SLC25A16: variants seen among roughly 807,000 people sequenced by gnomAD.
The protein encoded by SLC25A16 is mitochondrial coenzyme A transporter SLC25A16.
Under a neutral mutation model 41.5 loss-of-function variants are expected in SLC25A16, and 39 were observed. That is an observed-to-expected ratio of 0.94 (90% CI 0.73 to 1.23). SLC25A16 has a LOEUF of 1.23. Among genes scored for constraint, SLC25A16 ranks in the 50% most tolerant of loss-of-function variants. The pLI, the probability that SLC25A16 is intolerant of heterozygous loss-of-function variation, is 0.00. For synonymous variants in SLC25A16, 146 were observed against 147.8 expected (o/e 0.99, Z 0.09); for missense variants, 421 against 426.9 (o/e 0.99, Z 0.12).
intron 1 of SLC25A16, among the ~76,000 whole-genome samples, chr10:68,526,678 C>G (rs903894442): frequency 5.9e-5 from 9 of 152,130 alleles, no homozygotes; most frequent in African/African-American, 1.7e-4. Context: ...GCTTGAAGGC[C>G]CAGGAAATTC....
chr10:68,495,045 G>A (rs997081012), intron 4 of SLC25A16, among the ~76,000 whole-genome samples: 30 of 151,908 alleles, frequency 2.0e-4, no homozygotes, highest in Non-Finnish European at 3.4e-4. Context: ...ACTTTGGGAG[G>A]CTGAGGTGAA....
In SLC25A16 at chr10:68,488,467, G is replaced by A. The variant is rs748068850; in HGVS notation, c.773C>T (p.Ser258Phe). 8.7e-6 allele frequency: 13 copies of A among 1,495,230 alleles called. No homozygotes were observed. Among genetic ancestry groups the A allele is most frequent in the East Asian group, 2.5e-5 (1 of 40,526 alleles). The allele number at this position is 1,495,230 out of a possible 1,614,324, so 92.6% of individuals were successfully genotyped here. Residue 258 changes from serine (S) to phenylalanine (F), a missense_variant and splice_region_variant, in exon 7 of 9, where the codon TCC becomes TTC. Physicochemically the swap from Ser to Phe is radical, Grantham distance 155 (BLOSUM62 -2). Coordinates refer to ENST00000609923, the MANE Select transcript of SLC25A16 (RefSeq NM_152707.4). ...GVAGAIAQTI[S>F]YPFDVTRRRM... ...AAATTAAGTTAGTGAAGAAACTTAC[G>A]ATATTGTCTGCGCTATTGCTCCAGC...
chr10:68,513,393 A>G (rs1445172122), intron 2 of SLC25A16, among the ~76,000 whole-genome samples: 9 of 148,892 alleles, frequency 6.0e-5, no homozygotes, highest in Middle Eastern at 3.4e-3. Flanking sequence ...TGGGCAATAG[A>G]GCAAGACCAT....
At chr10:68,499,819 T>C (rs2052810793) in intron 4 of SLC25A16, 1 of 472,504 alleles carries the variant, frequency 2.1e-6, no homozygotes, top group South Asian at 1.9e-5. Context: ...CAACTATCCA[T>C]GTAGACATTC....
intron 5 of SLC25A16, 119 bp from the exon 6 acceptor site, chr10:68,493,317 G>C: frequency 9.0e-7 from 1 of 1,109,596 alleles, no homozygotes; most frequent in South Asian, 1.4e-5. Context: ...GAAACACAAA[G>C]ATGTGTTTTC....
chr10:68,518,687 T>C lies in SLC25A16; in HGVS notation c.131-1844A>G, dbSNP rs865967623. ...TGCTTGGGAGGCTGAGGCAGAAGAA[T>C]TGCATGAACCCAGGAGGCAGAGGTA... On this transcript the variant is annotated intron_variant, in intron 1 of 8. Transcript: ENST00000609923. 4.0e-5 allele frequency among the ~76,000 whole-genome samples: 6 copies of C among 151,036 alleles called. No individual in the cohort carries two copies. In the South Asian group the frequency reaches 8.4e-4, roughly 21 times the overall value.
In SLC25A16 at chr10:68,503,628, T is replaced by C; in HGVS notation, c.421+4A>G. The C allele has an allele frequency of 6.4e-7, 1 of 1,572,630 alleles. No individual in the cohort carries two copies. Among genetic ancestry groups the C allele is most frequent in the Non-Finnish European group, 8.7e-7 (1 of 1,148,388 alleles). Reference sequence around the variant, plus strand: ...AGAAATAAAATATACCTAACTCCTCTTACCTGCCATGGATCCAGCCATTAA... The same window carrying C: ...AGAAATAAAATATACCTAACTCCTCCTACCTGCCATGGATCCAGCCATTAA... On this transcript the variant is annotated splice_donor_region_variant and intron_variant, in intron 4 of 8. Coordinates refer to ENST00000609923, the MANE Select transcript of SLC25A16 (RefSeq NM_152707.4).
At position 68,509,735 on chromosome 10, in the gene SLC25A16, A is replaced by ATCTATATCTATCTATATC. The variant is rs201061957; in HGVS notation, c.224-3018_224-3017insGATATAGATAGATATAGA. ...AAAATCTATATATCTATCTATCTAT[A>ATCTATATCTATCTATATC]TATATATCTATATATATAGATATAT... On this transcript the variant is annotated intron_variant, in intron 2 of 8. Transcript: ENST00000609923. Among the ~76,000 whole-genome samples, 22 of 143,178 alleles carry ATCTATATCTATCTATATC rather than the reference A, an allele frequency of 1.5e-4. 3 individuals are homozygous for ATCTATATCTATCTATATC. The highest frequency in any genetic ancestry group is 5.4e-4 in the African/African-American group (20 of 36,988). 93.9% of individuals were successfully genotyped at this position (143,178 alleles called of 152,430 possible).
chr10:68,512,096 G>C (rs550071799), intron 2 of SLC25A16, among the ~76,000 whole-genome samples: 6 of 151,968 alleles, frequency 3.9e-5, no homozygotes, highest in Non-Finnish European at 7.4e-5. Flanking sequence ...TTGATTCTTT[G>C]TATACATGAG....
intron 7 of SLC25A16, among the ~76,000 whole-genome samples, chr10:68,488,140 G>A (rs769265717): frequency 2.6e-5 from 4 of 152,060 alleles, no homozygotes; most frequent in East Asian, 1.9e-4. Flanking sequence ...GTGAGTCACC[G>A]CGCCCACCCT....
chr10:68,500,474 A>C (rs1426495473), intron 4 of SLC25A16, among the ~76,000 whole-genome samples: 6 of 151,856 alleles, frequency 4.0e-5, no homozygotes, highest in Non-Finnish European at 5.9e-5. Context: ...TGCCTGGCTA[A>C]TTTTTGTATT....
chr10:68,525,912 A>T (rs992929341), intron 1 of SLC25A16, among the ~76,000 whole-genome samples: 2 of 152,018 alleles, frequency 1.3e-5, no homozygotes, highest in African/African-American at 4.8e-5. Flanking sequence ...CATGCTCCTT[A>T]AGAGTCATCA....
intron 8 of SLC25A16, 131 bp from the exon 9 acceptor site, chr10:68,483,719 G>T: frequency 1.5e-6 from 1 of 670,130 alleles, no homozygotes; most frequent in Non-Finnish European, 2.3e-6. Context: ...GTGGATTGCA[G>T]TGGCATGATC....
chr10:68,490,735 A>G (rs1212538953), intron 6 of SLC25A16, among the ~76,000 whole-genome samples: 1 of 152,134 alleles, frequency 6.6e-6, no homozygotes, highest in Non-Finnish European at 1.5e-5. Flanking sequence ...TTCCAGACAG[A>G]TTAGTGGCAT....
intron 2 of SLC25A16, among the ~76,000 whole-genome samples, chr10:68,507,841 T>G (rs1429869145): frequency 6.6e-6 from 1 of 152,324 alleles, no homozygotes; most frequent in East Asian, 1.9e-4. Context: ...GCAAATAACC[T>G]CTTCAGCCCT....
chr10:68,503,686 T>C lies in SLC25A16; in HGVS notation c.367A>G (p.Thr123Ala). The change falls in exon 4 of 9, where the codon ACG becomes GCG. Residue 123 changes from threonine (T) to alanine (A), a missense_variant. Thr to Ala is a moderately conservative substitution (Grantham distance 58, BLOSUM62 0). Coordinates refer to ENST00000609923, the MANE Select transcript of SLC25A16 (RefSeq NM_152707.4). ...AFEHYKTLIT[T>A]KLGISGHVHR... ...ACATGACCTGAAATTCCCAGCTTCG[T>C]AGTAATTAACTAGAAAACAAGAACA... 3 of 1,601,126 alleles carry C rather than the reference T, an allele frequency of 1.9e-6. No individual in the cohort carries two copies. Among genetic ancestry groups the C allele is most frequent in the Non-Finnish European group, 2.6e-6 (3 of 1,170,016 alleles).
At chr10:68,521,298 G>A (rs1390772100) in intron 1 of SLC25A16, among the ~76,000 whole-genome samples, 4 of 152,078 alleles carry the variant, frequency 2.6e-5, no homozygotes, top group Admixed American at 2.0e-4. Flanking sequence ...CAGCACTTTG[G>A]TGGGCTGAGG....
Position 68,503,681 on chromosome 10 carries a change from C to G in SLC25A16, c.372G>C (p.Lys124Asn), listed in dbSNP as rs535034108. 14 of 1,603,720 alleles carry G rather than the reference C, an allele frequency of 8.7e-6. No individual in the cohort carries two copies. The South Asian group carries it at 1.6e-4, about 18-fold the overall frequency. ...TGTGCACATGACCTGAAATTCCCAG[C>G]TTCGTAGTAATTAACTAGAAAACAA... ...FEHYKTLITTKLGISGHVHRL... is the reference protein window; with the variant it reads ...FEHYKTLITTNLGISGHVHRL... Residue 124 changes from lysine (K) to asparagine (N), a missense_variant, in exon 4 of 9, where the codon AAG (lysine) becomes AAC (asparagine). Transcript: ENST00000609923.
At chr10:68,487,301 A>G in intron 7 of SLC25A16, 89 bp from the exon 8 acceptor site, 8 of 922,510 alleles carry the variant, frequency 8.7e-6, no homozygotes, top group Admixed American at 1.8e-5. Flanking sequence ...ATTCAAAGAA[A>G]TAACGTGTTA....
Sources: allele counts gnomAD v4.1 joint callset (sites outside exome capture counted in the v4.1 genomes callset), GRCh38; gene constraint gnomAD v4.1.1; transcripts MANE v1.5; gene names NCBI Gene and HGNC (gene_info 2026-07-23, HGNC 2026-07-21).